LINC00632: variants seen among roughly 807,000 people sequenced by gnomAD.
LINC00632 encodes the protein ALDOA related specific transcript.
At chrX:140,718,059 C>G (rs1930664613) in intron 2 of LINC00632, among the ~76,000 whole-genome samples, 1 of 110,757 alleles carries the variant, frequency 9.0e-6, no homozygotes, top group Non-Finnish European at 1.9e-5. Context: ...TCGCTTGAAC[C>G]TGGGAGGCAG....
At chrX:140,766,098 G>C (rs974687639) in intron 3 of LINC00632, among the ~76,000 whole-genome samples, 1 of 111,793 alleles carries the variant, frequency 8.9e-6, no homozygotes, top group African/African-American at 3.3e-5. Flanking sequence ...ACCTGGAATG[G>C]GGAAAAGGTG....
In LINC00632 at chrX:140,736,106, ATAAC is replaced by A. The variant is rs1413389969; in HGVS notation, n.191+2145_191+2148del. On this transcript the variant is annotated intron_variant and non_coding_transcript_variant, in intron 3 of 4. Coordinates refer to ENST00000648200, the Ensembl canonical transcript of LINC00632. ...AATCAATTATGGAGCACCTTGTTAA[ATAAC>A]TAGCAAAGTAAATATCATATTAAAA... Among the ~76,000 whole-genome samples, 3 of 111,665 alleles carry A rather than the reference ATAAC, an allele frequency of 2.7e-5. No individual in the cohort carries two copies. In the Admixed American group the frequency reaches 2.9e-4, roughly 11 times the overall value.
intron 3 of LINC00632, among the ~76,000 whole-genome samples, chrX:140,770,768 T>C (rs1387172586): frequency 1.8e-5 from 2 of 112,119 alleles, no homozygotes; most frequent in African/African-American, 6.5e-5. Context: ...ATTTATTTAT[T>C]AATTATTAGT....
intron 3 of LINC00632, among the ~76,000 whole-genome samples, chrX:140,749,730 G>A (rs35742611): frequency 0.033 from 3,665 of 110,516 alleles, 69 homozygotes; most frequent in Non-Finnish European, 0.053. Context: ...CCCAAGCTGG[G>A]GTACAGTGGC....
chrX:140,759,995 A>T (rs1453784983), intron 3 of LINC00632, among the ~76,000 whole-genome samples: 2 of 112,232 alleles, frequency 1.8e-5, no homozygotes, highest in African/African-American at 6.5e-5. Context: ...CATACACAGG[A>T]AAATGAGACT....
At chrX:140,750,865 T>C (rs903677811) in intron 3 of LINC00632, among the ~76,000 whole-genome samples, 2 of 111,463 alleles carry the variant, frequency 1.8e-5, no homozygotes, top group Admixed American at 9.6e-5. Flanking sequence ...TTAGTGGGAA[T>C]GTACAATATT....
At chrX:140,783,858 C>T (rs1478287567) in exon 5 of LINC00632, 1 of 1,210,729 alleles carries the variant, frequency 8.3e-7, no homozygotes, top group South Asian at 1.8e-5. Flanking sequence ...TCCAGAAAAT[C>T]CACGTCTTCC....
At chrX:140,730,599 CAT>C (rs1448049326) in intron 2 of LINC00632, among the ~76,000 whole-genome samples, 3 of 110,334 alleles carry the variant, frequency 2.7e-5, no homozygotes, top group Non-Finnish European at 5.7e-5. Context: ...GCGGAACAGG[CAT>C]ATACAGGGAA....
exon 5 of LINC00632, among the ~76,000 whole-genome samples, chrX:140,787,889 A>G (rs1932039851): frequency 9.0e-6 from 1 of 110,893 alleles, no homozygotes; most frequent in Non-Finnish European, 1.9e-5. Flanking sequence ...TGTTGTTAGT[A>G]GTAAAAGTCC....
chrX:140,760,042 G>T (rs906146655), intron 3 of LINC00632, among the ~76,000 whole-genome samples: 1 of 111,862 alleles, frequency 8.9e-6, no homozygotes, highest in Non-Finnish European at 1.9e-5. Context: ...AACACTATTT[G>T]ATCTCAAGGA....
At chrX:140,736,947 T>C (rs1382279852) in intron 3 of LINC00632, among the ~76,000 whole-genome samples, 1 of 104,482 alleles carries the variant, frequency 9.6e-6, no homozygotes, top group African/African-American at 3.5e-5. Flanking sequence ...TTGCCCAGGC[T>C]GGAGTGCAGT....
chrX:140,720,563 T>C (rs1453632398), intron 2 of LINC00632, among the ~76,000 whole-genome samples: 1 of 112,233 alleles, frequency 8.9e-6, no homozygotes, highest in Non-Finnish European at 1.9e-5. Context: ...ATAGAATCGC[T>C]GGACAATACA....
intron 2 of LINC00632, among the ~76,000 whole-genome samples, chrX:140,715,600 A>G (rs950662671): frequency 1.2e-4 from 13 of 106,698 alleles, no homozygotes; most frequent in African/African-American, 3.0e-4. Flanking sequence ...GTCTAAAAAA[A>G]AAAGAAAGAA....
At chrX:140,755,535 C>T (rs1033293641) in intron 3 of LINC00632, among the ~76,000 whole-genome samples, 1 of 112,219 alleles carries the variant, frequency 8.9e-6, no homozygotes, top group Non-Finnish European at 1.9e-5. Flanking sequence ...TCATGAGTTG[C>T]TCTACCTATT....
exon 5 of LINC00632, among the ~76,000 whole-genome samples, chrX:140,788,337 G>C (rs1032080712): frequency 1.8e-5 from 2 of 109,844 alleles, no homozygotes; most frequent in Middle Eastern, 4.8e-3. Flanking sequence ...AAATAAAAAG[G>C]CAAGTTAATG....
chrX:140,723,452 CCACACACACA>C (rs371462718), intron 2 of LINC00632, among the ~76,000 whole-genome samples: 1 of 9,450 alleles, frequency 1.1e-4, no homozygotes, highest in African/African-American at 1.6e-4. Flanking sequence ...CACACACATT[CCACACACACA>C]CATTCCATAC....
intron 3 of LINC00632, among the ~76,000 whole-genome samples, chrX:140,771,797 A>T (rs1442821704): frequency 2.9e-5 from 3 of 104,718 alleles, no homozygotes; most frequent in Admixed American, 2.1e-4. Flanking sequence ...CTCCTGCCTC[A>T]GCCTCCCAAG....
intron 3 of LINC00632, among the ~76,000 whole-genome samples, chrX:140,760,034 C>G (rs1931574248): frequency 8.9e-6 from 1 of 111,863 alleles, no homozygotes; most frequent in Non-Finnish European, 1.9e-5. Flanking sequence ...AAAGACAAAA[C>G]ACTATTTGAT....
intron 3 of LINC00632, among the ~76,000 whole-genome samples, chrX:140,746,715 T>C (rs924561820): frequency 3.6e-5 from 4 of 112,327 alleles, no homozygotes; most frequent in Non-Finnish European, 7.5e-5. Flanking sequence ...ACAAACTATT[T>C]GGTATTAGAA....
Sources: allele counts gnomAD v4.1 joint callset (sites outside exome capture counted in the v4.1 genomes callset), GRCh38; gene constraint gnomAD v4.1.1; transcripts MANE v1.5; gene names NCBI Gene and HGNC (gene_info 2026-07-23, HGNC 2026-07-21).